GRAMD4: variants seen among roughly 807,000 people sequenced by gnomAD.
The protein encoded by GRAMD4 is GRAM domain-containing protein 4.
A neutral mutation model predicts 83.9 loss-of-function variants in GRAMD4; 25 were observed. That is an observed-to-expected ratio of 0.30 (90% CI 0.22 to 0.42). GRAMD4 has a LOEUF of 0.42. Among genes scored for constraint, GRAMD4 ranks in the 10% least tolerant of loss-of-function variants. GRAMD4 has a pLI of 1.00. For synonymous variants in GRAMD4, 336 were observed against 320.9 expected, an observed-to-expected ratio of 1.05 and a Z score of -0.50; for missense variants, 593 against 788.7, an observed-to-expected ratio of 0.75 and a Z score of 2.97.
intron 4 of GRAMD4, among the ~76,000 whole-genome samples, chr22:46,660,134 G>A (rs2082306129): frequency 6.6e-6 from 1 of 152,320 alleles, no homozygotes; most frequent in Middle Eastern, 3.4e-3. Flanking sequence ...AAAGCCCCTT[G>A]GTGGCAGGTG....
In GRAMD4 at chr22:46,649,645, C is replaced by T. The variant is rs974508676; in HGVS notation, c.284-8542C>T. On this transcript the variant is annotated intron_variant, in intron 3 of 18. Transcript: ENST00000406902. ...AGCAGCCTTCAACATTAGGATGTGA[C>T]GCACTTGGAAGCTTGCTCCTTCCTG... 7.2e-5 allele frequency among the ~76,000 whole-genome samples: 11 copies of T among 152,214 alleles called. No individual in the cohort carries two copies. In the South Asian group the frequency reaches 8.3e-4, roughly 11 times the overall value.
rs1029155732 is a variant in GRAMD4 at position 46,672,461 on chromosome 22, G to A, written c.1085-382G>A. Reference sequence around the variant, plus strand: ...GGACCTCAGATTTGGTGTCAGGTGTGGGGAATTGGGGCAGAGGAGGCACAG... The same window carrying A: ...GGACCTCAGATTTGGTGTCAGGTGTAGGGAATTGGGGCAGAGGAGGCACAG... On this transcript the variant is annotated intron_variant, in intron 13 of 18. Coordinates refer to ENST00000406902, the MANE Select transcript of GRAMD4 (RefSeq NM_015124.5). The surrounding 1 kb of genome is among the most constrained non-coding windows in gnomAD (Gnocchi z 4.7). Among the ~76,000 whole-genome samples the A allele has an allele frequency of 6.6e-6, 1 of 152,016 alleles. No individual in the cohort carries two copies. The highest frequency in any genetic ancestry group is 1.5e-5 in the Non-Finnish European group (1 of 67,984).
chr22:46,577,466 C>T lies in GRAMD4; in HGVS notation c.-50+176C>T, dbSNP rs1040272099. 3.4e-4 allele frequency among the ~76,000 whole-genome samples: 51 copies of T among 149,694 alleles called. 1 individual carries two copies. Among genetic ancestry groups the T allele is most frequent in the African/African-American group, 1.2e-3 (49 of 41,224 alleles). On this transcript the variant is annotated intron_variant, in intron 1 of 1. Coordinates refer to the GRAMD4 transcript ENST00000431155. ...AGCAGGGCCCTGCGCGGGCGCGCCC[C>T]GCACACGCCCCCGGGTCCCGCGCGT...
Position 46,668,924 on chromosome 22 carries a change from T to A in GRAMD4, c.1084+16T>A. 3 of 1,413,512 alleles carry A rather than the reference T, an allele frequency of 2.1e-6. No individual in the cohort carries two copies. The highest frequency in any genetic ancestry group is 3.0e-6 in the Non-Finnish European group (3 of 1,000,790). 87.6% of individuals were successfully genotyped at this position (1,413,512 alleles called of 1,614,324 possible). A position where few individuals can be genotyped will look rare whatever the true frequency, so the allele number is the denominator to read the frequency against. On this transcript the variant is annotated intron_variant, in intron 13 of 18. Coordinates refer to ENST00000406902, the MANE Select transcript of GRAMD4 (RefSeq NM_015124.5). ...CTTGCCGTGGGTAAGTAGATGCACCTGCGGCCTGTAGCTTCAGGAGGAGGG... is the reference window on the plus strand; with the variant it reads ...CTTGCCGTGGGTAAGTAGATGCACCAGCGGCCTGTAGCTTCAGGAGGAGGG...
In GRAMD4 at chr22:46,673,740, G is replaced by A; in HGVS notation, c.1310G>A (p.Gly437Asp). The A allele has an allele frequency of 6.2e-7, 1 of 1,612,972 alleles. No individual in the cohort carries two copies. Among genetic ancestry groups the A allele is most frequent in the Non-Finnish European group, 8.5e-7 (1 of 1,179,936 alleles). Residue 437 changes from glycine (G) to aspartate (D), a missense_variant, in exon 15 of 19, where the codon GGT (glycine) becomes GAT (aspartate). Transcript: ENST00000406902. ...GGCCTGGGTAAAGAGGAGGACGCCG[G>A]TCGCTTCCACAGCACCAAGAAGGGC... is the stretch of plus-strand genomic sequence containing the variant. ...PAGLGKEEDAGRFHSTKKGNF... is the reference protein window; with the variant it reads ...PAGLGKEEDADRFHSTKKGNF...
intron 3 of GRAMD4, among the ~76,000 whole-genome samples, chr22:46,639,037 C>T (rs2081933306): frequency 6.6e-6 from 1 of 152,228 alleles, no homozygotes; most frequent in African/African-American, 2.4e-5. Context: ...TGGCAACAGG[C>T]CAGAGCGTGA....
At chr22:46,610,983 G>A (rs2081411232) in intron 1 of GRAMD4, among the ~76,000 whole-genome samples, 1 of 152,156 alleles carries the variant, frequency 6.6e-6, no homozygotes, top group Non-Finnish European at 1.5e-5. Context: ...GGGTGGCAGA[G>A]GCTGGGGGAT....
intron 1 of GRAMD4, among the ~76,000 whole-genome samples, chr22:46,605,203 A>T (rs1192677428): frequency 1.3e-5 from 2 of 151,810 alleles, no homozygotes; most frequent in African/African-American, 2.4e-5. Flanking sequence ...TTCTGGTGCC[A>T]TAATGTCCTC....
downstream of GRAMD4, among the ~76,000 whole-genome samples, chr22:46,680,580 A>ATCCGTCCT: frequency 7.3e-6 from 1 of 137,310 alleles, no homozygotes; most frequent in African/African-American, 2.8e-5. Flanking sequence ...CCATCCATCC[A>ATCCGTCCT]TCCATCCATC....
At chr22:46,627,347 G>T (rs958431792) in intron 2 of GRAMD4, among the ~76,000 whole-genome samples, 1 of 152,264 alleles carries the variant, frequency 6.6e-6, no homozygotes, top group African/African-American at 2.4e-5. Flanking sequence ...TCAAGCCAAG[G>T]TGCACGTTTC....
chr22:46,633,900 C>T (rs1191185997), intron 2 of GRAMD4, among the ~76,000 whole-genome samples: 44 of 152,164 alleles, frequency 2.9e-4, no homozygotes, highest in Admixed American at 2.6e-3. Context: ...GCCGCCTTCC[C>T]GGTTAGAAAA....
chr22:46,616,372 C>G (rs2081493626), upstream of GRAMD4, among the ~76,000 whole-genome samples: 1 of 88,774 alleles, frequency 1.1e-5, no homozygotes, highest in African/African-American at 4.6e-5. Flanking sequence ...GTACGTTCCC[C>G]TGTGTGTAGG....
intron 1 of GRAMD4, among the ~76,000 whole-genome samples, chr22:46,593,227 T>C (rs529387788): frequency 1.3e-5 from 2 of 152,226 alleles, no homozygotes; most frequent in South Asian, 4.1e-4. Flanking sequence ...AGTTCTGACT[T>C]TGAGGCCTGA....
chr22:46,665,253 C>T (rs555442819), intron 8 of GRAMD4, among the ~76,000 whole-genome samples: 12 of 152,358 alleles, frequency 7.9e-5, no homozygotes, highest in Non-Finnish European at 1.0e-4. Flanking sequence ...GCACCTGGCT[C>T]GCCCTCAGCA....
intron 15 of GRAMD4, 84 bp from the exon 16 acceptor site, chr22:46,674,573 G>A: frequency 2.1e-6 from 2 of 949,718 alleles, no homozygotes; most frequent in South Asian, 2.6e-5. Context: ...CAGGATCTGA[G>A]AGTCAGGCTC....
intron 6 of GRAMD4, 128 bp downstream of exon 6, chr22:46,663,300 G>A (rs2082358164): frequency 1.1e-6 from 1 of 910,190 alleles, no homozygotes; most frequent in Non-Finnish European, 1.7e-6. Context: ...GAGAGCTCCT[G>A]GAGGCTCCGC....
rs1339174174 is a variant in GRAMD4 at position 46,678,109 on chromosome 22, C to T, written c.*858C>T. ...TTTGGAAGGCCCAGGAGAACATCCG[C>T]GAAGGCTGTTGGAGGTGCTCCGAGC... On this transcript the variant is annotated 3_prime_UTR_variant, in exon 19 of 19. Coordinates refer to ENST00000406902, the MANE Select transcript of GRAMD4 (RefSeq NM_015124.5). The T allele has an allele frequency of 2.0e-5, 20 of 985,462 alleles. No homozygotes were observed. Among genetic ancestry groups the T allele is most frequent in the Admixed American group, 1.2e-4 (2 of 16,274 alleles). The allele number at this position is 985,462 out of a possible 1,614,324, so 61.0% of individuals were successfully genotyped here. A position where few individuals can be genotyped will look rare whatever the true frequency, so the allele number is the denominator to read the frequency against.
intron 3 of GRAMD4, among the ~76,000 whole-genome samples, chr22:46,657,245 G>T (rs1266706911): frequency 6.6e-6 from 1 of 152,200 alleles, no homozygotes; most frequent in Non-Finnish European, 1.5e-5. Flanking sequence ...GGCGTTCACA[G>T]GTGCCAGCTC....
upstream of GRAMD4, among the ~76,000 whole-genome samples, chr22:46,576,567 C>T (rs1432736205): frequency 6.6e-6 from 1 of 152,220 alleles, no homozygotes; most frequent in African/African-American, 2.4e-5. Context: ...GGGATGGGCG[C>T]GCCAGGTACT....
Sources: gnomAD v4.1 joint callset for allele counts (sites outside exome capture counted in the v4.1 genomes callset) on GRCh38, gnomAD v4.1.1 for gene constraint, Gnocchi (gnomAD v3.1) non-coding constraint, MANE v1.5 for transcripts, NCBI Gene and HGNC (gene_info 2026-07-23, HGNC 2026-07-21) for gene names.